CACNA2D3: variants seen among roughly 807,000 people sequenced by gnomAD.
CACNA2D3 encodes the protein calcium voltage-gated channel auxiliary subunit alpha2delta 3.
CACNA2D3 carries 60 observed loss-of-function variants against 160.6 expected under a neutral mutation model. The ratio of observed to expected loss-of-function variants is 0.37; its 90% CI spans 0.30 to 0.46. The LOEUF is 0.46. CACNA2D3 is among the 20% of genes least tolerant of loss of function. The pLI is 1.00. For synonymous variants in CACNA2D3, 558 were observed against 492.9 expected, an observed-to-expected ratio of 1.13 and a Z score of -1.75; for missense variants, 1,205 against 1,365.0, an observed-to-expected ratio of 0.88 and a Z score of 1.85.
At chr3:54,331,421 A>G (rs1332873512) in intron 3 of CACNA2D3, among the ~76,000 whole-genome samples, 3 of 152,170 alleles carry the variant, frequency 2.0e-5, no homozygotes, top group Admixed American at 6.5e-5. Flanking sequence ...AGTAGAGTCT[A>G]TGTGTATGTG....
At chr3:54,976,637 A>G (rs1702397791) in intron 29 of CACNA2D3, among the ~76,000 whole-genome samples, 1 of 152,086 alleles carries the variant, frequency 6.6e-6, no homozygotes, top group Non-Finnish European at 1.5e-5. Context: ...TATTGTTACT[A>G]TTATTAGTGA....
chr3:54,285,379 G>A (rs987381835), intron 2 of CACNA2D3, among the ~76,000 whole-genome samples: 8 of 152,228 alleles, frequency 5.3e-5, no homozygotes, highest in Admixed American at 4.6e-4. Flanking sequence ...GCGAGGCTGG[G>A]GGAGGGTCGC....
chr3:54,606,144 T>TTATATATA (rs60294607), intron 9 of CACNA2D3, among the ~76,000 whole-genome samples: 4 of 150,734 alleles, frequency 2.7e-5, no homozygotes, highest in African/African-American at 9.8e-5. Flanking sequence ...TAATGTAACT[T>TTATATATA]TATATATATA....
intron 4 of CACNA2D3, among the ~76,000 whole-genome samples, chr3:54,480,311 C>T (rs1700912435): frequency 6.6e-6 from 1 of 152,146 alleles, no homozygotes; most frequent in African/African-American, 2.4e-5. Context: ...ATGCCTTTTC[C>T]TGGGGGTCTG....
chr3:54,772,346 A>G lies in CACNA2D3; in HGVS notation c.1380+7995A>G, dbSNP rs1290570315. ...TGCTTAAATAAATAGCTTAAAAATGACCCGTGAGTATAGTGCTTTCGCTAT... is the reference window on the plus strand; with the variant it reads ...TGCTTAAATAAATAGCTTAAAAATGGCCCGTGAGTATAGTGCTTTCGCTAT... On this transcript the variant is annotated intron_variant, in intron 13 of 37. Coordinates refer to ENST00000474759, the MANE Select transcript of CACNA2D3 (RefSeq NM_018398.3). Among the ~76,000 whole-genome samples the G allele has an allele frequency of 2.0e-5, 3 of 151,872 alleles. 1 individual carries two copies. The highest frequency in any genetic ancestry group is 4.2e-4 in the South Asian group (2 of 4,804).
chr3:54,995,170 C>T (rs577023818), intron 31 of CACNA2D3, among the ~76,000 whole-genome samples: 25 of 152,046 alleles, frequency 1.6e-4, no homozygotes, highest in South Asian at 4.1e-4. Flanking sequence ...GACAGGGTTT[C>T]GCCATGTTGG....
At chr3:54,375,153 A>G (rs1400205713) in intron 3 of CACNA2D3, among the ~76,000 whole-genome samples, 1 of 152,138 alleles carries the variant, frequency 6.6e-6, no homozygotes, top group East Asian at 1.9e-4. Context: ...GTACCCCGTA[A>G]GCCTGGTCTA....
intron 11 of CACNA2D3, among the ~76,000 whole-genome samples, chr3:54,716,405 GA>G (rs1392259894): frequency 6.6e-6 from 1 of 152,058 alleles, no homozygotes; most frequent in Non-Finnish European, 1.5e-5. Context: ...GGGGAAAGAT[GA>G]AAAAAAGAGG....
At chr3:54,215,008 G>A (rs1323852134) in intron 2 of CACNA2D3, among the ~76,000 whole-genome samples, 1 of 152,134 alleles carries the variant, frequency 6.6e-6, no homozygotes, top group African/African-American at 2.4e-5. Flanking sequence ...ACATCTTCCA[G>A]GCGTCAGTCA....
chr3:54,464,490 C>T (rs1700574645), intron 4 of CACNA2D3, among the ~76,000 whole-genome samples: 1 of 152,218 alleles, frequency 6.6e-6, no homozygotes, highest in Non-Finnish European at 1.5e-5. Flanking sequence ...GAGCGCCCCT[C>T]CCCCAGCCTC....
chr3:54,615,316 A>C (rs2106794711), intron 9 of CACNA2D3, among the ~76,000 whole-genome samples: 1 of 152,258 alleles, frequency 6.6e-6, no homozygotes, highest in African/African-American at 2.4e-5. Flanking sequence ...GTAAATACCA[A>C]ATAAATAAAT....
At chr3:54,373,196 C>G (rs1698955930) in intron 3 of CACNA2D3, among the ~76,000 whole-genome samples, 1 of 152,148 alleles carries the variant, frequency 6.6e-6, no homozygotes, top group African/African-American at 2.4e-5. Flanking sequence ...AAACCAGGGA[C>G]TTGTGTAAAA....
chr3:54,901,959 T>G (rs1315171451), intron 27 of CACNA2D3, among the ~76,000 whole-genome samples: 1 of 152,200 alleles, frequency 6.6e-6, no homozygotes, highest in African/African-American at 2.4e-5. Flanking sequence ...CTGTGTATTT[T>G]CCTCAAATTA....
At chr3:54,400,677 C>T (rs756830727) in intron 4 of CACNA2D3, among the ~76,000 whole-genome samples, 3 of 152,176 alleles carry the variant, frequency 2.0e-5, no homozygotes, top group Admixed American at 6.5e-5. Flanking sequence ...TATACAACTG[C>T]TTCTACTAGG....
Position 54,718,977 on chromosome 3 carries a change from A to G in CACNA2D3, c.1168-33622A>G, listed in dbSNP as rs569572821. ...ATTTTCTAATATTTGAAAGCCATCA[A>G]CTTTATAATGATCTTGTGTACAATG... On this transcript the variant is annotated intron_variant, in intron 11 of 37. Transcript: ENST00000474759. Among the ~76,000 whole-genome samples the G allele has an allele frequency of 6.4e-4, 97 of 152,088 alleles. 2 individuals are homozygous for G. In the South Asian group the frequency reaches 0.019, roughly 31 times the overall value.
chr3:54,547,666 C>G (rs1056284004), intron 5 of CACNA2D3, among the ~76,000 whole-genome samples: 2 of 139,600 alleles, frequency 1.4e-5, no homozygotes, highest in African/African-American at 5.4e-5. Flanking sequence ...AGAACCTCCC[C>G]CAACCCTTTT....
At chr3:54,630,278 TTC>T (rs1559532246) in intron 10 of CACNA2D3, among the ~76,000 whole-genome samples, 1 of 152,124 alleles carries the variant, frequency 6.6e-6, no homozygotes, top group Non-Finnish European at 1.5e-5. Flanking sequence ...AATGCTTTGG[TTC>T]TCTTTGCCCA....
chr3:54,261,390 G>A (rs1702398144), intron 2 of CACNA2D3, among the ~76,000 whole-genome samples: 1 of 152,168 alleles, frequency 6.6e-6, no homozygotes, highest in African/African-American at 2.4e-5. Context: ...GTCATTATGT[G>A]TTTACTATCT....
Position 54,980,955 on chromosome 3 carries a change from A to G in CACNA2D3, c.2557-3653A>G, listed in dbSNP as rs565484571. On this transcript the variant is annotated intron_variant, in intron 29 of 37. Coordinates refer to ENST00000474759, the MANE Select transcript of CACNA2D3 (RefSeq NM_018398.3). ...CATTACACTTTTTACTTTTCTGACAATATTTGATTTAAGCACCTATTATTT... is the reference window on the plus strand; with the variant it reads ...CATTACACTTTTTACTTTTCTGACAGTATTTGATTTAAGCACCTATTATTT... 3.3e-5 allele frequency among the ~76,000 whole-genome samples: 5 copies of G among 152,322 alleles called. No individual in the cohort carries two copies. In the South Asian group the frequency reaches 1.0e-3, roughly 32 times the overall value.
Sources: gnomAD v4.1 joint callset for allele counts (sites outside exome capture counted in the v4.1 genomes callset) on GRCh38, gnomAD v4.1.1 for gene constraint, MANE v1.5 for transcripts, NCBI Gene and HGNC (gene_info 2026-07-23, HGNC 2026-07-21) for gene names.